Variants in ITPRID1 observed in about 807,000 individuals in gnomAD.
ITPRID1 encodes the protein ITPR interacting domain containing 1.
A neutral mutation model predicts 95.4 loss-of-function variants in ITPRID1; 96 were observed. The ratio of observed to expected loss-of-function variants is 1.01; its 90% confidence interval spans 0.85 to 1.19. The LOEUF is 1.19. Ranked by LOEUF, ITPRID1 falls within the 50% of genes most tolerant of loss-of-function variation. The pLI, the probability that ITPRID1 is intolerant of heterozygous loss-of-function variation, is 0.00. For missense variants in ITPRID1, 1,339 were observed against 1,252.9 expected, an observed-to-expected ratio of 1.07 and a Z score of -1.04; for synonymous variants, 510 against 453.6, an observed-to-expected ratio of 1.12 and a Z score of -1.58.
chr7:31,639,532 GTT>G (rs201859885), intron 10 of ITPRID1, among the ~76,000 whole-genome samples: 68 of 45,552 alleles, frequency 1.5e-3, no homozygotes, highest in Middle Eastern at 0.018. Context: ...TTGTTTGTTT[GTT>G]TTTGTTTTTT....
chr7:31,599,315 C>A (rs914062461), intron 10 of ITPRID1, among the ~76,000 whole-genome samples: 5 of 152,036 alleles, frequency 3.3e-5, no homozygotes, highest in African/African-American at 1.2e-4. Context: ...TGGGTACATA[C>A]AATATATAAA....
At chr7:31,585,554 T>C (rs1785561662) in intron 10 of ITPRID1, among the ~76,000 whole-genome samples, 5 of 152,156 alleles carry the variant, frequency 3.3e-5, no homozygotes, top group Admixed American at 3.3e-4. Context: ...ACTAGGACTT[T>C]GTGTGGGATA....
intron 1 of ITPRID1, among the ~76,000 whole-genome samples, chr7:31,540,499 G>T (rs1783899522): frequency 6.6e-6 from 1 of 152,166 alleles, no homozygotes; most frequent in Non-Finnish European, 1.5e-5. Flanking sequence ...AACAACAGGT[G>T]TGCTATAGTT....
intron 13 of ITPRID1, 80 bp downstream of exon 13, chr7:31,651,349 G>A (rs923467457): frequency 5.5e-6 from 8 of 1,451,166 alleles, no homozygotes; most frequent in Non-Finnish European, 6.4e-6. Context: ...CAGAACAGAG[G>A]AGCACCCTGG....
rs561673322 is a variant in ITPRID1, at chr7:31,621,553, T to A, written c.1229-20623T>A. Among the ~76,000 whole-genome samples, 3 of 147,134 alleles carry A rather than the reference T, an allele frequency of 2.0e-5. No homozygotes were observed. In the East Asian group the frequency reaches 5.9e-4, roughly 29 times the overall value. On this transcript the variant is annotated intron_variant, in intron 10 of 14. Transcript: ENST00000615280. ...ATAAAATACTTTGCAGACAAGCAAA[T>A]GCTGAGAGATTTTGTCACCACCAGG...
chr7:31,652,480 T>C, intron 14 of ITPRID1, 38 bp from the exon 15 acceptor site: 6 of 1,542,060 alleles, frequency 3.9e-6, no homozygotes, highest in Non-Finnish European at 5.3e-6. Context: ...GCCAATGTGA[T>C]GTGCTGTTTA....
At chr7:31,621,124 C>T (rs536120492) in intron 10 of ITPRID1, among the ~76,000 whole-genome samples, 250 of 151,986 alleles carry the variant, frequency 1.6e-3, no homozygotes, top group African/African-American at 5.2e-3. Context: ...ACCAAATCTA[C>T]GTCTGATTGG....
intron 1 of ITPRID1, among the ~76,000 whole-genome samples, chr7:31,536,791 T>G (rs2128131747): frequency 6.6e-6 from 1 of 152,172 alleles, no homozygotes; most frequent in South Asian, 2.1e-4. Flanking sequence ...GATTTTTGAG[T>G]TTATATAAGG....
intron 10 of ITPRID1, among the ~76,000 whole-genome samples, chr7:31,624,965 C>T (rs376252103): frequency 6.6e-6 from 1 of 152,114 alleles, no homozygotes; most frequent in Non-Finnish European, 1.5e-5. Context: ...GGGCAAAGGA[C>T]ATGAATAGAC....
chr7:31,650,117 G>T (rs1236904005), intron 12 of ITPRID1, among the ~76,000 whole-genome samples: 1 of 152,152 alleles, frequency 6.6e-6, no homozygotes, highest in Non-Finnish European at 1.5e-5. Context: ...CCTTCTAGAT[G>T]ATTACATTTC....
rs1791099155 is a variant in ITPRID1 at position 31,653,007 on chromosome 7, T to G, written c.*178T>G. 1.4e-6 allele frequency: 2 copies of G among 1,417,186 alleles called. No homozygotes were observed. Among genetic ancestry groups the G allele is most frequent in the Non-Finnish European group, 1.8e-6 (2 of 1,086,072 alleles). 87.8% of individuals were successfully genotyped at this position (1,417,186 alleles called of 1,614,324 possible). On this transcript the variant is annotated 3_prime_UTR_variant, in exon 15 of 15. Transcript: ENST00000615280. ...TTAGAATACTCTAATACTCATTCAG[T>G]ATAGAATAACTGAGCACCTAGTATG... is the stretch of plus-strand genomic sequence containing the variant.
chr7:31,603,195 C>T (rs567095187), intron 10 of ITPRID1, among the ~76,000 whole-genome samples: 45 of 152,262 alleles, frequency 3.0e-4, no homozygotes, highest in Admixed American at 1.7e-3. Flanking sequence ...GTAACCACCT[C>T]CATCTGGCAC....
At chr7:31,553,313 T>C in intron 3 of ITPRID1, 126 bp downstream of exon 3, 1 of 847,634 alleles carries the variant, frequency 1.2e-6, no homozygotes, top group Non-Finnish European at 1.8e-6. Flanking sequence ...CCAGTGTTCC[T>C]GGCATGATGC....
intron 5 of ITPRID1, among the ~76,000 whole-genome samples, chr7:31,561,245 T>C (rs928552807): frequency 1.3e-5 from 2 of 152,072 alleles, no homozygotes; most frequent in Admixed American, 1.3e-4. Flanking sequence ...TTAATTGAAA[T>C]AACAACTGCA....
intron 10 of ITPRID1, among the ~76,000 whole-genome samples, chr7:31,619,123 A>G (rs911191942): frequency 6.6e-6 from 1 of 152,214 alleles, no homozygotes; most frequent in African/African-American, 2.4e-5. Flanking sequence ...ATTAGTCACA[A>G]CATTTCATTA....
At chr7:31,599,746 G>A (rs1318971891) in intron 10 of ITPRID1, among the ~76,000 whole-genome samples, 1 of 148,192 alleles carries the variant, frequency 6.7e-6, no homozygotes, top group Non-Finnish European at 1.5e-5. Flanking sequence ...CTGTCGCCCA[G>A]GCTGGAGTGC....
intron 1 of ITPRID1, among the ~76,000 whole-genome samples, chr7:31,528,763 C>T (rs1783500026): frequency 1.3e-5 from 2 of 152,154 alleles, no homozygotes; most frequent in African/African-American, 4.8e-5. Context: ...TTCCCCTCCT[C>T]TTTAATCTCA....
intron 10 of ITPRID1, among the ~76,000 whole-genome samples, chr7:31,604,031 A>G (rs38327): frequency 0.18 from 26,802 of 152,116 alleles, 2,733 homozygotes; most frequent in East Asian, 0.23. Flanking sequence ...AATTAGCTGT[A>G]TACAAAACAT....
At chr7:31,634,838 C>T (rs112531594) in intron 10 of ITPRID1, among the ~76,000 whole-genome samples, 3,665 of 152,204 alleles carry the variant, frequency 0.024, 142 homozygotes, top group African/African-American at 0.083. Context: ...GAAGTCAAGG[C>T]CCCACTGGAG....
Sources: gnomAD v4.1 joint callset for allele counts (sites outside exome capture counted in the v4.1 genomes callset) on GRCh38, gnomAD v4.1.1 for gene constraint, MANE v1.5 for transcripts, NCBI Gene and HGNC (gene_info 2026-07-23, HGNC 2026-07-21) for gene names.